CFAP47: variants seen among roughly 807,000 people sequenced by gnomAD.
CFAP47 encodes cilia and flagella associated protein 47.
CFAP47 carries 29 observed loss-of-function variants against 148.1 expected under a neutral mutation model. The observed-to-expected ratio is 0.20, with a 90% CI of 0.15 to 0.27. CFAP47 has a LOEUF of 0.27. Among genes scored for constraint, CFAP47 ranks in the 10% least tolerant of loss-of-function variants. The pLI, the probability that CFAP47 is intolerant of heterozygous loss-of-function variation, is 1.00. For synonymous variants in CFAP47, 664 were observed against 577.3 expected (o/e 1.15, Z -2.15); for missense variants, 1,872 against 1,697.5 (o/e 1.10, Z -1.81).
intron 49 of CFAP47, among the ~76,000 whole-genome samples, chrX:36,275,515 A>T (rs2146940620): frequency 9.2e-6 from 1 of 108,883 alleles, no homozygotes; most frequent in East Asian, 2.9e-4. Context: ...ATGTTGAATG[A>T]CCATTCATTC....
chrX:35,970,177 T>A (rs1936468738), intron 10 of CFAP47, among the ~76,000 whole-genome samples: 2 of 109,345 alleles, frequency 1.8e-5, no homozygotes, highest in South Asian at 8.0e-4. Context: ...ACATTTTTTT[T>A]AATTGAAAAT....
intron 62 of CFAP47, among the ~76,000 whole-genome samples, 165 bp downstream of exon 62, chrX:36,367,292 A>G (rs1941887710): frequency 8.9e-6 from 1 of 112,086 alleles, no homozygotes; most frequent in South Asian, 3.6e-4. Flanking sequence ...TTACTTAACA[A>G]TTGGAAAATA....
Position 35,967,806 on chromosome X carries a change from G to T in CFAP47, c.1788G>T (p.Arg596Ser). 8.3e-7 allele frequency: 1 copy of T among 1,204,790 alleles called. No homozygotes were observed. The highest frequency in any genetic ancestry group is 1.1e-6 in the Non-Finnish European group (1 of 891,064). ...CCAATGACCGAGCTGCAACTATCAG[G>T]TCTAAAGACCATCATAAACATTTCA... ...AFPNDRAATI[R>S]SKDHHKHFRP... The change falls in exon 10 of 64, where the codon AGG (arginine) becomes AGT (serine). Residue 596 changes from arginine (R) to serine (S), a missense_variant. Physicochemically the swap from Arg to Ser is moderately radical, Grantham distance 110 (BLOSUM62 -1). Coordinates refer to ENST00000378653, the MANE Select transcript of CFAP47 (RefSeq NM_001304548.2).
At chrX:36,142,750 A>T (rs759312086) in intron 35 of CFAP47, among the ~76,000 whole-genome samples, 1 of 111,207 alleles carries the variant, frequency 9.0e-6, no homozygotes, top group African/African-American at 3.3e-5. Flanking sequence ...TTTTGAAATA[A>T]TTTTTATATT....
chrX:35,936,724 A>T (rs985947448), intron 2 of CFAP47, among the ~76,000 whole-genome samples: 1 of 110,725 alleles, frequency 9.0e-6, no homozygotes, highest in African/African-American at 3.3e-5. Flanking sequence ...TTGTGATGAC[A>T]ATTTAGTTTT....
chrX:36,262,703 T>C (rs374974099), intron 49 of CFAP47, among the ~76,000 whole-genome samples: 1 of 112,461 alleles, frequency 8.9e-6, no homozygotes, highest in East Asian at 2.8e-4. Context: ...CTTTGATATA[T>C]TGATTTCCTT....
At chrX:35,949,605 G>A (rs995927924) in intron 4 of CFAP47, among the ~76,000 whole-genome samples, 3 of 111,452 alleles carry the variant, frequency 2.7e-5, no homozygotes, top group Non-Finnish European at 5.7e-5. Context: ...TGTTGGAATG[G>A]TTTTACTTTT....
intron 46 of CFAP47, 54 bp downstream of exon 46, chrX:36,228,878 T>C: frequency 4.1e-6 from 2 of 490,698 alleles, no homozygotes; most frequent in Non-Finnish European, 7.4e-6. Context: ...ACTGTGTCAA[T>C]TAAAGTCCTC....
intron 42 of CFAP47, among the ~76,000 whole-genome samples, chrX:36,198,930 G>A (rs113509033): frequency 1.8e-5 from 2 of 111,877 alleles, no homozygotes; most frequent in African/African-American, 6.5e-5. Flanking sequence ...TGATTATAAT[G>A]AAGCAAATCC....
At chrX:36,016,688 A>G (rs1210050565) in intron 22 of CFAP47, among the ~76,000 whole-genome samples, 2 of 96,254 alleles carry the variant, frequency 2.1e-5, no homozygotes, top group African/African-American at 7.8e-5. Context: ...GGATTGCTGG[A>G]TCTTATGCCA....
At chrX:36,056,005 G>T (rs1270542617) in intron 26 of CFAP47, among the ~76,000 whole-genome samples, 1 of 106,654 alleles carries the variant, frequency 9.4e-6, no homozygotes, top group African/African-American at 3.4e-5. Flanking sequence ...TTTTAATGGG[G>T]TTGTTTTTTT....
chrX:35,953,384 A>G (rs192744921), intron 6 of CFAP47, among the ~76,000 whole-genome samples: 43 of 111,734 alleles, frequency 3.8e-4, no homozygotes, highest in African/African-American at 1.3e-3. Flanking sequence ...GCACGAACTC[A>G]TTTTTCTCAG....
chrX:35,954,463 A>C (rs1019015337), intron 7 of CFAP47, among the ~76,000 whole-genome samples: 6 of 111,212 alleles, frequency 5.4e-5, no homozygotes, highest in Non-Finnish European at 1.1e-4. Flanking sequence ...CTTGGGCATA[A>C]ATGGATTGTT....
At chrX:36,213,854 C>G (rs1940129500) in intron 45 of CFAP47, among the ~76,000 whole-genome samples, 1 of 111,794 alleles carries the variant, frequency 8.9e-6, no homozygotes, top group Admixed American at 9.5e-5. Flanking sequence ...AATACGAATA[C>G]TTTATTTGGG....
intron 45 of CFAP47, among the ~76,000 whole-genome samples, chrX:36,207,882 T>A (rs1294985820): frequency 9.0e-6 from 1 of 111,597 alleles, no homozygotes; most frequent in Non-Finnish European, 1.9e-5. Context: ...TTCCCCAATA[T>A]ACAGAGTCCT....
chrX:36,110,601 G>T (rs1938540022), intron 33 of CFAP47, among the ~76,000 whole-genome samples: 1 of 111,547 alleles, frequency 9.0e-6, no homozygotes. Context: ...GATCTTTTTT[G>T]GTTCCATATG....
intron 30 of CFAP47, among the ~76,000 whole-genome samples, chrX:36,096,041 A>G (rs1226359107): frequency 1.8e-5 from 2 of 110,844 alleles, no homozygotes; most frequent in Non-Finnish European, 3.8e-5. Flanking sequence ...ATAGGTTTTG[A>G]TAAGTTGTGT....
chrX:35,943,414 T>C (rs1936039733), intron 3 of CFAP47, among the ~76,000 whole-genome samples: 1 of 111,721 alleles, frequency 9.0e-6, no homozygotes, highest in South Asian at 3.7e-4. Context: ...TTATAACCTT[T>C]GTTTTTATAG....
intron 30 of CFAP47, among the ~76,000 whole-genome samples, chrX:36,098,108 T>A (rs1938310047): frequency 8.9e-6 from 1 of 112,229 alleles, no homozygotes; most frequent in African/African-American, 3.2e-5. Context: ...ATGCATTCTT[T>A]AGTATGCCAA....
Sources: allele counts gnomAD v4.1 joint callset (sites outside exome capture counted in the v4.1 genomes callset), GRCh38; gene constraint gnomAD v4.1.1; transcripts MANE v1.5; gene names NCBI Gene and HGNC (gene_info 2026-07-23, HGNC 2026-07-21).